SNAP25: variants seen among roughly 807,000 people sequenced by gnomAD.
The protein encoded by SNAP25 is synaptosomal-associated protein 25.
A neutral mutation model predicts 28.7 loss-of-function variants in SNAP25; 3 were observed. That is an observed-to-expected ratio of 0.10 (90% confidence interval 0.05 to 0.27). The LOEUF (loss-of-function observed/expected upper bound fraction) is 0.27, where lower values mean the gene tolerates loss of function less well. SNAP25 is among the 10% of genes least tolerant of loss of function. The pLI is 1.00. For missense variants in SNAP25, 117 were observed against 278.7 expected, an observed-to-expected ratio of 0.42 and a Z score of 4.13; for synonymous variants, 61 against 88.1, an observed-to-expected ratio of 0.69 and a Z score of 1.72.
intron 4 of SNAP25, 108 bp downstream of exon 4, chr20:10,284,880 C>T: frequency 1.2e-6 from 1 of 825,680 alleles, no homozygotes. Context: ...TACACATGTA[C>T]ACGAATGTGA....
intron 5 of SNAP25, among the ~76,000 whole-genome samples, chr20:10,295,545 T>G (rs2064090627): frequency 6.6e-6 from 1 of 152,180 alleles, no homozygotes; most frequent in Non-Finnish European, 1.5e-5. Flanking sequence ...TTGTGGGAGT[T>G]GCTGAAATTC....
chr20:10,290,893 C>A (rs1010891245), intron 4 of SNAP25, among the ~76,000 whole-genome samples: 3 of 152,076 alleles, frequency 2.0e-5, no homozygotes, highest in Admixed American at 2.0e-4. Flanking sequence ...TATAATGGTT[C>A]TTCATCTGAT....
intron 4 of SNAP25, among the ~76,000 whole-genome samples, chr20:10,291,230 C>T (rs549300630): frequency 1.3e-5 from 2 of 152,212 alleles, no homozygotes; most frequent in South Asian, 2.1e-4. Flanking sequence ...CATGCCACCA[C>T]GCCCAGAAAT....
chr20:10,291,064 T>A (rs530714846), intron 4 of SNAP25, among the ~76,000 whole-genome samples: 17 of 152,174 alleles, frequency 1.1e-4, no homozygotes, highest in East Asian at 3.9e-4. Flanking sequence ...CTTTTAAAAA[T>A]TTTTTTTAAT....
At chr20:10,230,647 C>A (rs565968945) in intron 1 of SNAP25, among the ~76,000 whole-genome samples, 14 of 152,220 alleles carry the variant, frequency 9.2e-5, no homozygotes, top group Non-Finnish European at 1.9e-4. Context: ...GTTTGAGAAC[C>A]ACTGCCCTAG....
chr20:10,239,508 G>A (rs1366976089), intron 1 of SNAP25, among the ~76,000 whole-genome samples: 1 of 152,172 alleles, frequency 6.6e-6, no homozygotes, highest in African/African-American at 2.4e-5. Flanking sequence ...GACTTCATTT[G>A]GTGGCTGCAG....
intron 5 of SNAP25, among the ~76,000 whole-genome samples, chr20:10,295,663 T>C (rs1027333277): frequency 1.2e-4 from 18 of 145,630 alleles, no homozygotes; most frequent in Admixed American, 3.5e-4. Flanking sequence ...AAGAAGAAGA[T>C]AAAATGTTAA....
chr20:10,246,350 A>G (rs997166267), intron 1 of SNAP25, among the ~76,000 whole-genome samples: 3 of 152,170 alleles, frequency 2.0e-5, no homozygotes, highest in African/African-American at 7.2e-5. Context: ...AGAGAGATAA[A>G]AGGGGGTTGG....
At position 10,306,289 on chromosome 20, in the gene SNAP25, T is replaced by G. The variant is rs1329914662; in HGVS notation, c.*92T>G. On this transcript the variant is annotated 3_prime_UTR_variant, in exon 8 of 8. Coordinates refer to ENST00000254976, the MANE Select transcript of SNAP25 (RefSeq NM_130811.4). ...GTATTATCTAGTAGGTCTGCACACA[T>G]AACACACATCAGTCCACCCCCATTG... 3 of 1,136,452 alleles carry G rather than the reference T, an allele frequency of 2.6e-6. No homozygotes were observed. The highest frequency in any genetic ancestry group is 4.0e-6 in the Non-Finnish European group (3 of 758,516). The allele number at this position is 1,136,452 out of a possible 1,614,324, so 70.4% of individuals were successfully genotyped here. A position where few individuals can be genotyped will look rare whatever the true frequency, so the allele number is the denominator to read the frequency against.
intron 1 of SNAP25, among the ~76,000 whole-genome samples, chr20:10,271,534 A>T (rs193140278): frequency 9.8e-5 from 15 of 152,346 alleles, no homozygotes; most frequent in Non-Finnish European, 4.4e-5. Flanking sequence ...GAACCGTGAA[A>T]GTGATGAAAC....
intron 1 of SNAP25, among the ~76,000 whole-genome samples, chr20:10,222,311 A>G (rs1699328687): frequency 6.6e-6 from 1 of 152,270 alleles, no homozygotes. Flanking sequence ...AATGTAACCA[A>G]CAATAAGTAA....
intron 1 of SNAP25, among the ~76,000 whole-genome samples, chr20:10,231,293 T>C (rs1296502572): frequency 6.6e-6 from 1 of 152,196 alleles, no homozygotes; most frequent in Non-Finnish European, 1.5e-5. Flanking sequence ...TTGCCCTTTT[T>C]TTCCTGTCCT....
intron 4 of SNAP25, among the ~76,000 whole-genome samples, chr20:10,290,156 A>G (rs896927527): frequency 6.6e-6 from 1 of 152,216 alleles, no homozygotes; most frequent in African/African-American, 2.4e-5. Flanking sequence ...TTTCCTGAGA[A>G]GCATCTTCAC....
At chr20:10,298,874 A>T (rs1450796140) in intron 6 of SNAP25, among the ~76,000 whole-genome samples, 1 of 152,220 alleles carries the variant, frequency 6.6e-6, no homozygotes, top group African/African-American at 2.4e-5. Flanking sequence ...TCTTAGAAAT[A>T]TTAAGAATAT....
intron 1 of SNAP25, among the ~76,000 whole-genome samples, chr20:10,274,799 C>T (rs1013314960): frequency 8.6e-5 from 13 of 151,916 alleles, no homozygotes; most frequent in Non-Finnish European, 1.3e-4. Context: ...GCTGAGATCA[C>T]GCCACTGCAC....
intron 1 of SNAP25, among the ~76,000 whole-genome samples, chr20:10,259,483 C>A (rs1271859823): frequency 6.6e-6 from 1 of 152,176 alleles, no homozygotes; most frequent in South Asian, 2.1e-4. Flanking sequence ...CTTGTGGGTG[C>A]AATTAGATTC....
At chr20:10,239,593 C>T (rs370498715) in intron 1 of SNAP25, among the ~76,000 whole-genome samples, 5 of 152,302 alleles carry the variant, frequency 3.3e-5, no homozygotes, top group South Asian at 2.1e-4. Context: ...ACTAACTGAG[C>T]GCTCTATGCA....
At chr20:10,288,773 G>A (rs189854702) in intron 4 of SNAP25, among the ~76,000 whole-genome samples, 7 of 151,522 alleles carry the variant, frequency 4.6e-5, no homozygotes, top group East Asian at 1.9e-4. Context: ...GTTTCTGGCC[G>A]GTCTTAAATG....
intron 1 of SNAP25, among the ~76,000 whole-genome samples, chr20:10,251,992 G>T (rs2063237575): frequency 6.6e-6 from 1 of 152,164 alleles, no homozygotes; most frequent in Non-Finnish European, 1.5e-5. Flanking sequence ...GATGAGCAAA[G>T]TTCATAAGCT....
Sources: allele counts gnomAD v4.1 joint callset (sites outside exome capture counted in the v4.1 genomes callset), GRCh38; gene constraint gnomAD v4.1.1; transcripts MANE v1.5; gene names NCBI Gene and HGNC (gene_info 2026-07-23, HGNC 2026-07-21).